PUS7: variants seen among roughly 807,000 people sequenced by gnomAD.
The protein encoded by PUS7 is pseudouridylate synthase 7 homolog.
Under a neutral mutation model 79.8 loss-of-function variants are expected in PUS7, and 48 were observed. The observed-to-expected ratio is 0.60, with a 90% confidence interval of 0.48 to 0.76. The LOEUF (loss-of-function observed/expected upper bound fraction) is 0.76. PUS7 is among the 30% of genes least tolerant of loss of function. The pLI, the probability that PUS7 is intolerant of heterozygous loss-of-function variation, is 0.00. For missense variants in PUS7, 729 were observed against 797.6 expected (o/e 0.91, Z 1.04); for synonymous variants, 286 against 272.2 (o/e 1.05, Z -0.50).
At chr7:105,479,621 A>G (rs1256138170) in intron 9 of PUS7, among the ~76,000 whole-genome samples, 1 of 152,170 alleles carries the variant, frequency 6.6e-6, no homozygotes, top group East Asian at 1.9e-4. Context: ...GTTACCCTAG[A>G]GGGGTTCTTA....
chr7:105,503,830 G>A (rs79854810), intron 4 of PUS7, among the ~76,000 whole-genome samples: 9,228 of 151,840 alleles, frequency 0.061, 328 homozygotes, highest in South Asian at 0.13. Context: ...ATGGCGTTTC[G>A]CCATGTTGCC....
intron 1 of PUS7, among the ~76,000 whole-genome samples, chr7:105,508,871 TAAAAAAAAAAA>T (rs34249093): frequency 4.4e-5 from 1 of 22,890 alleles, no homozygotes; most frequent in Non-Finnish European, 8.0e-5. Flanking sequence ...GACATTGTCT[TAAAAAAAAAAA>T]AAAAAAAAAA....
intron 7 of PUS7, among the ~76,000 whole-genome samples, chr7:105,484,884 G>A (rs1279651391): frequency 2.4e-4 from 34 of 143,174 alleles, no homozygotes; most frequent in Middle Eastern, 3.6e-3. Context: ...TTTTTAAGAC[G>A]GAGTCTTGCT....
At chr7:105,492,759 G>A (rs1413629116) in intron 6 of PUS7, among the ~76,000 whole-genome samples, 5 of 151,802 alleles carry the variant, frequency 3.3e-5, no homozygotes, top group Admixed American at 2.0e-4. Flanking sequence ...CGCCCGCCTC[G>A]GCCTCCCAAA....
At chr7:105,458,793 C>T (rs1231065662) in intron 15 of PUS7, among the ~76,000 whole-genome samples, 1 of 151,768 alleles carries the variant, frequency 6.6e-6, no homozygotes, top group African/African-American at 2.4e-5. Context: ...GATCTCCTGA[C>T]CTCGTGATCC....
chr7:105,502,282 C>A (rs891969491), intron 5 of PUS7, 138 bp downstream of exon 5: 1 of 1,110,970 alleles, frequency 9.0e-7, no homozygotes, highest in Admixed American at 2.5e-5. Context: ...CTCACCCTCT[C>A]TGAAGGAGGG....
rs777904391 is a variant in PUS7, at chr7:105,495,151, T to C, written c.833A>G (p.Lys278Arg). Residue 278 changes from lysine to arginine, a missense_variant, in exon 6 of 16, where the codon AAA becomes AGA. Transcript: ENST00000469408. ...AACAACAGTAACTCACCTTAAGTATTTGGAGAGTACATTAATAGCATCCAT... is the reference window on the plus strand; with the variant it reads ...AACAACAGTAACTCACCTTAAGTATCTGGAGAGTACATTAATAGCATCCAT... Reference protein sequence around the residue: ...DTMDAINVLSKYLRVKPNIFS... With the variant: ...DTMDAINVLSRYLRVKPNIFS... 1.3e-6 allele frequency: 2 copies of C among 1,579,686 alleles called. No homozygotes were observed. The highest frequency in any genetic ancestry group is 1.1e-5 in the South Asian group (1 of 89,122).
At chr7:105,458,468 T>C (rs1823279538) in intron 15 of PUS7, among the ~76,000 whole-genome samples, 1 of 151,408 alleles carries the variant, frequency 6.6e-6, no homozygotes, top group African/African-American at 2.4e-5. Context: ...GGTTTTGTCA[T>C]GTTGGCCAGG....
chr7:105,508,422 TTG>T lies in PUS7; in HGVS notation c.89_90del (p.Thr30LysfsTer20), dbSNP rs752839979. 2 of 1,614,194 alleles carry T rather than the reference TTG, an allele frequency of 1.2e-6. No homozygotes were observed. Among genetic ancestry groups the T allele is most frequent in the South Asian group, 2.2e-5 (2 of 91,080 alleles). On this transcript the variant is annotated frameshift_variant, in exon 2 of 16. Coordinates refer to ENST00000469408, the MANE Select transcript of PUS7 (RefSeq NM_019042.5). LOFTEE classifies it high-confidence loss of function. ...CTGCATTCCGACAGCTTCTGTTTTT[TTG>T]TCTCTTCAACTGGGACTCCACTGTC... The part of the protein sequence containing the change: ...DNDSGVPVEE[T>X]KKQKLSECSL...
At chr7:105,499,877 T>C (rs1825179840) in intron 5 of PUS7, among the ~76,000 whole-genome samples, 1 of 152,230 alleles carries the variant, frequency 6.6e-6, no homozygotes, top group Non-Finnish European at 1.5e-5. Flanking sequence ...CTAGGCAAGA[T>C]GGCTCAGGAG....
chr7:105,487,482 C>T (rs540767293), intron 7 of PUS7, among the ~76,000 whole-genome samples: 5 of 152,236 alleles, frequency 3.3e-5, no homozygotes, highest in Admixed American at 2.6e-4. Flanking sequence ...GATAGACATC[C>T]ATCTCTAAAT....
intron 11 of PUS7, among the ~76,000 whole-genome samples, chr7:105,469,397 T>C (rs954584507): frequency 3.9e-5 from 6 of 152,120 alleles, no homozygotes; most frequent in African/African-American, 1.4e-4. Flanking sequence ...TTCAAGTGAT[T>C]CTCCCACCTC....
chr7:105,462,471 T>C, intron 14 of PUS7, 150 bp downstream of exon 14: 1 of 818,056 alleles, frequency 1.2e-6, no homozygotes, highest in Non-Finnish European at 1.8e-6. Flanking sequence ...AGTAAAAATA[T>C]GGTGTTATAA....
At chr7:105,505,003 A>ATTTTTTTTT (rs112752687) in intron 4 of PUS7, among the ~76,000 whole-genome samples, 11 of 142,638 alleles carry the variant, frequency 7.7e-5, no homozygotes, top group South Asian at 2.3e-4. Flanking sequence ...ATTTAACATA[A>ATTTTTTTTT]TTTTTTTTTT....
At chr7:105,466,760 TA>T (rs984452546) in intron 12 of PUS7, among the ~76,000 whole-genome samples, 2,813 of 142,782 alleles carry the variant, frequency 0.02, 90 homozygotes, top group African/African-American at 0.067. Flanking sequence ...AAAAAAAAGT[TA>T]AAAAAAAAAA....
At chr7:105,513,558 G>A (rs1210152355) in intron 1 of PUS7, among the ~76,000 whole-genome samples, 3 of 152,184 alleles carry the variant, frequency 2.0e-5, no homozygotes, top group Admixed American at 6.5e-5. Flanking sequence ...GGTGGCTCAC[G>A]CCTGTAATCC....
At chr7:105,489,459 T>C (rs1440441297) in intron 7 of PUS7, among the ~76,000 whole-genome samples, 1 of 152,044 alleles carries the variant, frequency 6.6e-6, no homozygotes, top group African/African-American at 2.4e-5. Context: ...TACCCACTCC[T>C]GCCCCTTCAC....
intron 1 of PUS7, among the ~76,000 whole-genome samples, chr7:105,512,881 G>A (rs1306444404): frequency 1.3e-5 from 2 of 152,192 alleles, no homozygotes; most frequent in African/African-American, 4.8e-5. Flanking sequence ...AGAAAAAGGC[G>A]ACTTTCAAGA....
chr7:105,459,318 C>G, intron 14 of PUS7, 59 bp from the exon 15 acceptor site: 3 of 1,033,222 alleles, frequency 2.9e-6, no homozygotes, highest in Non-Finnish European at 4.4e-6. Flanking sequence ...AGGTACTAAG[C>G]CACTCATCAT....
Sources: gnomAD v4.1 joint callset for allele counts (sites outside exome capture counted in the v4.1 genomes callset) on GRCh38, gnomAD v4.1.1 for gene constraint, MANE v1.5 for transcripts, NCBI Gene and HGNC (gene_info 2026-07-23, HGNC 2026-07-21) for gene names.